The following ERCC8 variants were observed in gnomAD, a reference collection of about 807,000 sequenced individuals.
ERCC8 encodes ERCC excision repair 8, CSA ubiquitin ligase complex subunit, also known as DNA excision repair protein ERCC-8.
ERCC8 carries 52 observed loss-of-function variants against 54.9 expected under a neutral mutation model. The ratio of observed to expected loss-of-function variants is 0.95; its 90% CI spans 0.76 to 1.19. The LOEUF is 1.19. ERCC8 is among the 50% of genes most tolerant of loss of function. ERCC8 has a pLI of 0.00. For synonymous variants in ERCC8, 146 were observed against 157.2 expected, an observed-to-expected ratio of 0.93 and a Z score of 0.53; for missense variants, 514 against 466.1, an observed-to-expected ratio of 1.10 and a Z score of -0.95.
At position 60,872,154 on chromosome 5, in the gene ERCC8, T is replaced by C. The variant is rs1747876613; in HGVS notation, c.*2461A>G. ...ATGCATCCTCACCAAGGGGACAAGA[T>C]TGAAAGTAGAATGGCCTGGGCTTAA... On this transcript the variant is annotated 3_prime_UTR_variant, in exon 12 of 12. Coordinates refer to ENST00000676185, the MANE Select transcript of ERCC8 (RefSeq NM_000082.4). 2.0e-5 allele frequency among the ~76,000 whole-genome samples: 3 copies of C among 152,196 alleles called. No homozygotes were observed. The highest frequency in any genetic ancestry group is 7.2e-5 in the African/African-American group (3 of 41,508).
At chr5:60,889,139 G>A (rs1246018457) in intron 10 of ERCC8, among the ~76,000 whole-genome samples, 10 of 152,216 alleles carry the variant, frequency 6.6e-5, no homozygotes, top group Non-Finnish European at 1.0e-4. Context: ...TATCACAGAA[G>A]TGATGTCCCA....
intron 4 of ERCC8, among the ~76,000 whole-genome samples, chr5:60,905,330 C>G (rs563687554): frequency 6.6e-6 from 1 of 152,254 alleles, no homozygotes; most frequent in African/African-American, 2.4e-5. Context: ...TCAGCTTTTC[C>G]CCCTCCAAAT....
At chr5:60,875,703 T>C (rs1404750756) in intron 11 of ERCC8, among the ~76,000 whole-genome samples, 2 of 152,052 alleles carry the variant, frequency 1.3e-5, no homozygotes, top group African/African-American at 4.8e-5. Flanking sequence ...GAGAAATTTT[T>C]TTTTTCCTTT....
intron 7 of ERCC8, among the ~76,000 whole-genome samples, chr5:60,901,520 G>A (rs1748903260): frequency 6.6e-6 from 1 of 151,906 alleles, no homozygotes; most frequent in African/African-American, 2.4e-5. Flanking sequence ...ATATTTTCAA[G>A]AGATGACATC....
At chr5:60,914,233 C>T (rs546176220) in intron 4 of ERCC8, among the ~76,000 whole-genome samples, 2 of 151,980 alleles carry the variant, frequency 1.3e-5, no homozygotes, top group African/African-American at 4.8e-5. Context: ...TCTAAGTCTC[C>T]TTGTAGGTCT....
intron 11 of ERCC8, among the ~76,000 whole-genome samples, chr5:60,877,045 T>A (rs1158460757): frequency 6.6e-6 from 1 of 152,212 alleles, no homozygotes; most frequent in South Asian, 2.1e-4. Context: ...CCATCTTGAA[T>A]TGATTTTTGT....
intron 4 of ERCC8, among the ~76,000 whole-genome samples, chr5:60,907,937 A>C (rs1749128108): frequency 6.6e-6 from 1 of 152,082 alleles, no homozygotes; most frequent in Non-Finnish European, 1.5e-5. Context: ...TCCTCATCTG[A>C]TTTAATCTGT....
rs1164205812 is a variant in ERCC8, at chr5:60,918,309, A to G, written c.355T>C (p.Ser119Pro). 4.4e-6 allele frequency: 7 copies of G among 1,594,500 alleles called. No homozygotes were observed. The highest frequency in any genetic ancestry group is 4.3e-6 in the Non-Finnish European group (5 of 1,162,628). The change falls in exon 4 of 12, where the codon TCA becomes CCA. Residue 119 changes from serine to proline, a missense_variant. Coordinates refer to ENST00000676185, the MANE Select transcript of ERCC8 (RefSeq NM_000082.4). ...CATACTTTCAGAGTTTTATCAAATG[A>G]GCTTGATGTGAACATGCCAGTGTCA... ...PHDTGMFTSS[S>P]FDKTLKVWDT...
chr5:60,921,210 C>T (rs1321531101), intron 3 of ERCC8, among the ~76,000 whole-genome samples: 3 of 151,906 alleles, frequency 2.0e-5, no homozygotes, highest in Non-Finnish European at 4.4e-5. Flanking sequence ...ATTTCTAATG[C>T]GAAACACCAG....
At position 60,918,275 on chromosome 5, in the gene ERCC8, T is replaced by C. The variant is rs1749496080; in HGVS notation, c.389A>G (p.Asn130Ser). ...FDKTLKVWDT[N>S]TLQTADVFNF... is the part of the protein sequence containing the mutation. ...TTTTAATGTACTTACTTGTAATGTA[T>C]TTGTATCCCATACTTTCAGAGTTTT... Residue 130 changes from asparagine to serine, a missense_variant, in exon 4 of 12, where the codon AAT becomes AGT. Asn to Ser is a conservative substitution (Grantham distance 46). Transcript: ENST00000676185. The C allele has an allele frequency of 6.3e-6, 10 of 1,597,458 alleles. No individual in the cohort carries two copies. The East Asian group carries it at 2.0e-4, about 32-fold the overall frequency.
chr5:60,930,385 C>T (rs760097765), intron 1 of ERCC8, among the ~76,000 whole-genome samples: 3 of 152,052 alleles, frequency 2.0e-5, no homozygotes, highest in Non-Finnish European at 2.9e-5. Context: ...GGTGAAACCC[C>T]GTCTCTACTA....
At chr5:60,899,570 A>T in intron 8 of ERCC8, 57 bp downstream of exon 8, 4 of 1,350,052 alleles carry the variant, frequency 3.0e-6, no homozygotes, top group East Asian at 2.3e-5. Context: ...TCAATTAAAA[A>T]TTTTCAATGT....
intron 9 of ERCC8, among the ~76,000 whole-genome samples, chr5:60,896,147 G>A (rs376480709): frequency 1.6e-4 from 24 of 151,080 alleles, no homozygotes; most frequent in East Asian, 3.9e-4. Context: ...CACCATGCCC[G>A]GCTAATTTTG....
At chr5:60,944,732 C>CG (rs1750381308) in intron 1 of ERCC8, among the ~76,000 whole-genome samples, 200 bp downstream of exon 1, 1 of 134,474 alleles carries the variant, frequency 7.4e-6, no homozygotes, top group Non-Finnish European at 1.6e-5. Flanking sequence ...GGGGAACCCC[C>CG]CCCACCCCCG....
rs576278857 is a variant in ERCC8, at chr5:60,888,072, G to A, written c.1042-552C>T. ...CTATGTCAATGTCTACAGATATGCT[G>A]TTTGCTTATGGCTGAACAATGCTCA... On this transcript the variant is annotated intron_variant, in intron 10 of 11. Transcript: ENST00000676185. Among the ~76,000 whole-genome samples the A allele has an allele frequency of 2.0e-5, 3 of 152,278 alleles. No individual in the cohort carries two copies. In the East Asian group the frequency reaches 5.8e-4, roughly 29 times the overall value.
At chr5:60,904,577 A>G (rs1207940208) in intron 5 of ERCC8, among the ~76,000 whole-genome samples, 1 of 144,878 alleles carries the variant, frequency 6.9e-6, no homozygotes, top group African/African-American at 2.5e-5. Context: ...GCCTTGCAAA[A>G]TATCTGTTGA....
chr5:60,898,317 G>A lies in ERCC8; in HGVS notation c.802C>T (p.Arg268Ter), dbSNP rs370657735. The A allele has an allele frequency of 9.3e-6, 15 of 1,613,426 alleles. No individual in the cohort carries two copies. Among genetic ancestry groups the A allele is most frequent in the African/African-American group, 2.7e-5 (2 of 74,984 alleles). ...TTGGAACTATTCCAGAGCCTCATTC[G>A]ATTATCTGTACCAACAGTGAGGAGG... ...LHLLTVGTDN[R>*]MRLWNSSNGE... The change falls in exon 9 of 12, where the codon CGA becomes TGA. Residue 268 changes from arginine to a stop codon, truncating the protein, a stop_gained. Transcript: ENST00000676185. LOFTEE classifies it high-confidence loss of function.
intron 3 of ERCC8, among the ~76,000 whole-genome samples, chr5:60,921,391 G>A (rs1749596141): frequency 6.6e-6 from 1 of 151,884 alleles, no homozygotes; most frequent in Non-Finnish European, 1.5e-5. Flanking sequence ...CTCATTATCA[G>A]ATTGAATGTA....
chr5:60,881,575 C>G lies in ERCC8; in HGVS notation c.1122+5865G>C, dbSNP rs1387940997. On this transcript the variant is annotated intron_variant, in intron 11 of 11. Transcript: ENST00000676185. ...TCAGCAATGGCGGGCGCCCCTCCCCCAGCCTGGCTGCCGCCTTGCAGTTTG... is the reference window on the plus strand; with the variant it reads ...TCAGCAATGGCGGGCGCCCCTCCCCGAGCCTGGCTGCCGCCTTGCAGTTTG... 3.9e-5 allele frequency among the ~76,000 whole-genome samples: 6 copies of G among 152,350 alleles called. No homozygotes were observed. The East Asian group carries it at 1.2e-3, about 29-fold the overall frequency.
Sources: gnomAD v4.1 joint callset for allele counts (sites outside exome capture counted in the v4.1 genomes callset) on GRCh38, gnomAD v4.1.1 for gene constraint, MANE v1.5 for transcripts, NCBI Gene and HGNC (gene_info 2026-07-23, HGNC 2026-07-21) for gene names.